Variants in NLRP2 observed in about 807,000 individuals in gnomAD.
NLRP2 encodes the protein NACHT, LRR and PYD domains-containing protein 2.
A neutral mutation model predicts 97.2 loss-of-function variants in NLRP2; 107 were observed. The observed-to-expected ratio is 1.10, with a 90% CI of 0.94 to 1.29. The LOEUF (loss-of-function observed/expected upper bound fraction) is 1.29, where lower values mean the gene tolerates loss of function less well. Among genes scored for constraint, NLRP2 ranks in the 50% most tolerant of loss-of-function variants. NLRP2 has a pLI of 0.00. For synonymous variants in NLRP2, 663 were observed against 551.5 expected, an observed-to-expected ratio of 1.20 and a Z score of -2.83; for missense variants, 1,495 against 1,330.3, an observed-to-expected ratio of 1.12 and a Z score of -1.93.
intron 2 of NLRP2, 97 bp downstream of exon 2, chr19:54,970,392 T>G (rs1244680924): frequency 1.6e-5 from 23 of 1,449,946 alleles, no homozygotes; most frequent in Non-Finnish European, 2.1e-5. Flanking sequence ...GGCTCACGCC[T>G]GTCGTCCCAG....
intron 8 of NLRP2, among the ~76,000 whole-genome samples, chr19:54,987,246 C>T (rs547265229): frequency 6.6e-6 from 1 of 151,786 alleles, no homozygotes; most frequent in African/African-American, 2.4e-5. Flanking sequence ...TCATGCTTCT[C>T]CTGTATGATG....
At chr19:54,986,700 G>A (rs766511332) in intron 8 of NLRP2, among the ~76,000 whole-genome samples, 2 of 151,468 alleles carry the variant, frequency 1.3e-5, no homozygotes, top group South Asian at 4.2e-4. Context: ...ACAGGCACCC[G>A]CCACCACGCC....
At chr19:54,985,677 CAAAAAAAAAAAAAAAAAA>C (rs113852885) in intron 7 of NLRP2, among the ~76,000 whole-genome samples, 1 of 68,016 alleles carries the variant, frequency 1.5e-5, no homozygotes, top group East Asian at 4.4e-4. Context: ...GACTGCGTCT[CAAAAAAAAAAAAAAAAAA>C]AAAGAAAAAG....
Position 54,970,269 on chromosome 19 carries a change from C to T in NLRP2, c.254C>T (p.Ser85Phe). ...VFEKMHRMDL[S>F]ERAKDEVREA... is the part of the protein sequence containing the mutation. Reference sequence around the variant, plus strand: ...GAAAAGATGCACCGAATGGATCTGTCTGAGAGAGCAAAGGATGAAGTCAGA... The same window carrying T: ...GAAAAGATGCACCGAATGGATCTGTTTGAGAGAGCAAAGGATGAAGTCAGA... Residue 85 changes from serine to phenylalanine, a missense_variant, in exon 2 of 13, where the codon TCT becomes TTT. By Grantham distance (155) the Ser-to-Phe change is radical. Transcript: ENST00000448584. 1 of 1,614,138 alleles carries T rather than the reference C, an allele frequency of 6.2e-7. No homozygotes were observed. The highest frequency in any genetic ancestry group is 8.5e-7 in the Non-Finnish European group (1 of 1,180,028).
At chr19:54,972,693 A>G (rs1435765743) in intron 2 of NLRP2, among the ~76,000 whole-genome samples, 3 of 151,954 alleles carry the variant, frequency 2.0e-5, no homozygotes, top group Non-Finnish European at 4.4e-5. Context: ...CTGTGGGCTC[A>G]ACCGATCCTC....
intron 2 of NLRP2, among the ~76,000 whole-genome samples, chr19:54,973,293 C>G (rs1181415162): frequency 6.7e-6 from 1 of 148,172 alleles, no homozygotes; most frequent in Non-Finnish European, 1.5e-5. Context: ...TTTATTTCAG[C>G]TAGAGATCAC....
chr19:54,987,094 A>G (rs2146478845), intron 8 of NLRP2, among the ~76,000 whole-genome samples: 1 of 151,572 alleles, frequency 6.6e-6, no homozygotes, highest in African/African-American at 2.4e-5. Flanking sequence ...CACATTGGCC[A>G]GGCTGGTCTC....
At chr19:54,993,268 G>A (rs1384354141) in intron 10 of NLRP2, 1 of 146,582 alleles carries the variant, frequency 6.8e-6, no homozygotes, top group Non-Finnish European at 1.6e-5. Flanking sequence ...CAAGATTTGG[G>A]GGTGTGTTTT....
rs533139054 is a variant in NLRP2, at chr19:54,974,875, C to T, written c.325+331C>T. Among the ~76,000 whole-genome samples, 7 of 152,238 alleles carry T rather than the reference C, an allele frequency of 4.6e-5. No individual in the cohort carries two copies. In the South Asian group the frequency reaches 1.5e-3, roughly 32 times the overall value. On this transcript the variant is annotated intron_variant, in intron 3 of 12. Coordinates refer to ENST00000448584, the MANE Select transcript of NLRP2 (RefSeq NM_017852.5). ...AGTGCAGTGGTACGACCTCGGCTGACTGCAACCTCTACCTCCTGGGTTCAA... is the reference window on the plus strand; with the variant it reads ...AGTGCAGTGGTACGACCTCGGCTGATTGCAACCTCTACCTCCTGGGTTCAA...
In NLRP2 at chr19:54,995,306, T is replaced by A. The variant is rs1217114096; in HGVS notation, c.2879+867T>A. Among the ~76,000 whole-genome samples, 4 of 148,068 alleles carry A rather than the reference T, an allele frequency of 2.7e-5. No homozygotes were observed. The East Asian group carries it at 8.9e-4, about 33-fold the overall frequency. ...CCTGGGTTCAAGTGATTCTCCTGCC[T>A]TAGCCTCCCACATAGCTGCAAATAA... is the stretch of plus-strand genomic sequence containing the variant. On this transcript the variant is annotated intron_variant, in intron 11 of 12. Coordinates refer to ENST00000448584, the MANE Select transcript of NLRP2 (RefSeq NM_017852.5).
Position 54,982,175 on chromosome 19 carries a change from G to GT in NLRP2, c.478dup (p.Cys160LeufsTer20). 6.2e-7 allele frequency: 1 copy of GT among 1,614,068 alleles called. No individual in the cohort carries two copies. The highest frequency in any genetic ancestry group is 8.5e-7 in the Non-Finnish European group (1 of 1,180,030). ...CCAATGATAAAGACAAAGACAATAGGTGCAGGTATATATTGAAGACGAAGT... is the reference window on the plus strand; with the variant it reads ...CCAATGATAAAGACAAAGACAATAGGTTGCAGGTATATATTGAAGACGAAGT... On this transcript the variant is annotated frameshift_variant, in exon 6 of 13. Transcript: ENST00000448584. LOFTEE classifies it high-confidence loss of function.
intron 7 of NLRP2, among the ~76,000 whole-genome samples, chr19:54,985,436 G>A (rs79266329): frequency 0.039 from 5,968 of 152,176 alleles, 388 homozygotes; most frequent in African/African-American, 0.14. Flanking sequence ...CCAACACTTC[G>A]GGAGGCCGAG....
chr19:54,976,810 C>CTTT lies in NLRP2; in HGVS notation c.326-941_326-940insTTT, dbSNP rs749684265. On this transcript the variant is annotated intron_variant, in intron 3 of 12. Transcript: ENST00000448584. ...TTATTAGGATTCCACCTTGTTCTCTCTCTTTTTTTTTTTTTTTTTGATACG... is the reference window on the plus strand; with the variant it reads ...TTATTAGGATTCCACCTTGTTCTCTCTTTTCTTTTTTTTTTTTTTTTTGATACG... The CTTT allele has an allele frequency of 4.2e-3, 1,343 of 318,784 alleles. 112 individuals carry two copies. Among genetic ancestry groups the CTTT allele is most frequent in the Middle Eastern group, 6.2e-3 (13 of 2,090 alleles). The allele number at this position is 318,784 out of a possible 1,614,324, so 19.7% of individuals were successfully genotyped here.
chr19:54,990,404 C>G, intron 9 of NLRP2, 98 bp from the exon 10 acceptor site: 2 of 1,336,262 alleles, frequency 1.5e-6, no homozygotes, highest in South Asian at 2.3e-5. Context: ...GTGGGGAGTT[C>G]ACAAGAAGGG....
intron 4 of NLRP2, among the ~76,000 whole-genome samples, chr19:54,981,304 G>C (rs1447346751): frequency 1.3e-5 from 2 of 152,048 alleles, no homozygotes; most frequent in African/African-American, 4.8e-5. Context: ...AAGTAGCTGA[G>C]ATTACAGGCA....
At chr19:54,984,729 C>T (rs1466598282) in intron 6 of NLRP2, among the ~76,000 whole-genome samples, 5 of 151,744 alleles carry the variant, frequency 3.3e-5, no homozygotes, top group East Asian at 1.9e-4. Flanking sequence ...GTGATCCACC[C>T]GCCTCAGCCT....
intron 10 of NLRP2, among the ~76,000 whole-genome samples, chr19:54,992,427 G>T (rs1411140134): frequency 6.6e-6 from 1 of 150,606 alleles, no homozygotes; most frequent in Admixed American, 6.7e-5. Context: ...CATTAAAAAA[G>T]AAGTCCCACA....
intron 11 of NLRP2, among the ~76,000 whole-genome samples, chr19:54,996,820 C>T (rs1475580381): frequency 6.6e-6 from 1 of 152,054 alleles, no homozygotes; most frequent in Non-Finnish European, 1.5e-5. Context: ...TAGCCAGAAC[C>T]CCCAGTTATT....
intron 4 of NLRP2, 108 bp from the exon 5 acceptor site, chr19:54,981,509 G>GGCCCCC: frequency 2.1e-5 from 8 of 386,504 alleles, no homozygotes; most frequent in South Asian, 4.2e-5. Flanking sequence ...CTGATCCCGT[G>GGCCCCC]CCCCCCCTCC....
Sources: gnomAD v4.1 joint callset for allele counts (sites outside exome capture counted in the v4.1 genomes callset) on GRCh38, gnomAD v4.1.1 for gene constraint, MANE v1.5 for transcripts, NCBI Gene and HGNC (gene_info 2026-07-23, HGNC 2026-07-21) for gene names.